Variants in CCNY observed in about 807,000 individuals in gnomAD.
CCNY encodes the protein cyclin-Y.
Under a neutral mutation model 42.8 loss-of-function variants are expected in CCNY, and 19 were observed. The ratio of observed to expected loss-of-function variants is 0.44; its 90% CI spans 0.31 to 0.65. The LOEUF (loss-of-function observed/expected upper bound fraction) is 0.65, where lower values mean the gene tolerates loss of function less well. Among genes scored for constraint, CCNY ranks in the 30% least tolerant of loss-of-function variants. The pLI is 0.07. For missense variants in CCNY, 370 were observed against 437.3 expected, an observed-to-expected ratio of 0.85 and a Z score of 1.37; for synonymous variants, 165 against 162.7, an observed-to-expected ratio of 1.01 and a Z score of -0.11.
At chr10:35,322,481 G>C (rs1245545666) in intron 3 of CCNY, among the ~76,000 whole-genome samples, 4 of 151,454 alleles carry the variant, frequency 2.6e-5, no homozygotes, top group African/African-American at 9.7e-5. Flanking sequence ...AAAAAGACAA[G>C]AGCTATAAAA....
At chr10:35,328,768 C>G (rs1261016928) in intron 3 of CCNY, among the ~76,000 whole-genome samples, 1 of 152,200 alleles carries the variant, frequency 6.6e-6, no homozygotes, top group African/African-American at 2.4e-5. Flanking sequence ...TGCAGCTTCC[C>G]TAGGTTAGGT....
At chr10:35,257,240 CTCTT>C (rs1211816303) in intron 3 of CCNY, among the ~76,000 whole-genome samples, 2 of 143,596 alleles carry the variant, frequency 1.4e-5, no homozygotes, top group African/African-American at 2.6e-5. Context: ...CCCTTCCTTC[CTCTT>C]TCTTTCTCTC....
chr10:35,264,925 G>A (rs949525518), intron 3 of CCNY, among the ~76,000 whole-genome samples: 3 of 152,142 alleles, frequency 2.0e-5, no homozygotes, highest in African/African-American at 7.2e-5. Flanking sequence ...CACCGCGCCC[G>A]GCCTTTTGCC....
At chr10:35,266,341 C>G (rs1268408717) in intron 3 of CCNY, among the ~76,000 whole-genome samples, 1 of 141,018 alleles carries the variant, frequency 7.1e-6, no homozygotes, top group Admixed American at 7.9e-5. Context: ...CTCAGGTGAT[C>G]TACCAGCTTT....
Position 35,264,923 on chromosome 10 carries a change from C to T in CCNY, c.-9+14297C>T, listed in dbSNP as rs193236683. ...GGATTACAGGCCTGAGCCACCGCGC[C>T]CGGCCTTTTGCCCAGTTTTTAGTGG... On this transcript the variant is annotated intron_variant, in intron 3 of 11. Coordinates refer to the CCNY transcript ENST00000374706. 5.6e-3 allele frequency among the ~76,000 whole-genome samples: 854 copies of T among 152,296 alleles called. 7 individuals carry two copies. Among genetic ancestry groups the T allele is most frequent in the African/African-American group, 0.02 (824 of 41,546 alleles).
chr10:35,324,825 G>C (rs1835860968), intron 3 of CCNY, among the ~76,000 whole-genome samples: 1 of 152,198 alleles, frequency 6.6e-6, no homozygotes, highest in South Asian at 2.1e-4. Flanking sequence ...CAGTCATAAA[G>C]GATAAATTAG....
chr10:35,323,269 C>T (rs1835842356), intron 3 of CCNY, among the ~76,000 whole-genome samples: 1 of 152,094 alleles, frequency 6.6e-6, no homozygotes, highest in Non-Finnish European at 1.5e-5. Context: ...AGCATACAAC[C>T]CAGTAGTCTT....
chr10:35,270,578 G>A (rs1835150539), intron 3 of CCNY, among the ~76,000 whole-genome samples: 1 of 152,122 alleles, frequency 6.6e-6, no homozygotes, highest in Non-Finnish European at 1.5e-5. Context: ...ATTGGTGCAT[G>A]TGCTGGAAGT....
intron 5 of CCNY, among the ~76,000 whole-genome samples, chr10:35,527,936 T>C (rs1050054265): frequency 1.3e-5 from 2 of 152,214 alleles, no homozygotes; most frequent in Non-Finnish European, 2.9e-5. Context: ...AGTCTACTTC[T>C]CAGAGGATTC....
At chr10:35,393,709 CT>C (rs1329011483) in intron 1 of CCNY, among the ~76,000 whole-genome samples, 1 of 152,136 alleles carries the variant, frequency 6.6e-6, no homozygotes, top group Non-Finnish European at 1.5e-5. Context: ...AGGCCATTTT[CT>C]CCAGGCTTTT....
chr10:35,491,717 C>T (rs1232020489), intron 2 of CCNY, among the ~76,000 whole-genome samples: 1 of 152,032 alleles, frequency 6.6e-6, no homozygotes, highest in Admixed American at 6.5e-5. Context: ...GGGTTCACAC[C>T]ATTCTCCTGC....
chr10:35,506,389 CT>C (rs936100992), intron 3 of CCNY, among the ~76,000 whole-genome samples: 2 of 152,144 alleles, frequency 1.3e-5, no homozygotes, highest in African/African-American at 4.8e-5. Flanking sequence ...GTTATTTTCT[CT>C]CTTCTTTTTG....
At chr10:35,559,593 G>A (rs1006707979) in intron 8 of CCNY, among the ~76,000 whole-genome samples, 9 of 152,274 alleles carry the variant, frequency 5.9e-5, no homozygotes, top group African/African-American at 1.7e-4. Context: ...AGATGTGACA[G>A]ATGGATCCAG....
intron 1 of CCNY, among the ~76,000 whole-genome samples, chr10:35,438,550 C>T (rs912106596): frequency 6.6e-6 from 1 of 152,134 alleles, no homozygotes; most frequent in African/African-American, 2.4e-5. Context: ...TATTTGTAAT[C>T]TTTCACTATT....
At chr10:35,412,304 C>G (rs1188749465) in intron 1 of CCNY, among the ~76,000 whole-genome samples, 3 of 152,066 alleles carry the variant, frequency 2.0e-5, no homozygotes, top group Non-Finnish European at 4.4e-5. Flanking sequence ...TATTGATTGC[C>G]TATAAAAAAT....
chr10:35,511,204 G>C (rs550031771), intron 3 of CCNY, among the ~76,000 whole-genome samples: 90 of 152,316 alleles, frequency 5.9e-4, no homozygotes, highest in African/African-American at 2.1e-3. Context: ...CCCACAGTTG[G>C]GGGCAGTGAG....
intron 3 of CCNY, among the ~76,000 whole-genome samples, chr10:35,253,874 GTTTTTT>G (rs34396120): frequency 1.5e-5 from 2 of 129,304 alleles, no homozygotes; most frequent in Admixed American, 7.9e-5. Context: ...TTGAGCAACT[GTTTTTT>G]TTTTTTTTTT....
intron 3 of CCNY, among the ~76,000 whole-genome samples, chr10:35,306,838 TTTATC>T (rs1221849727): frequency 6.6e-6 from 1 of 152,142 alleles, no homozygotes; most frequent in East Asian, 1.9e-4. Flanking sequence ...TAAAGAAAGT[TTTATC>T]TTAGGGGGCC....
intron 3 of CCNY, among the ~76,000 whole-genome samples, chr10:35,295,777 A>G (rs909906939): frequency 4.6e-5 from 7 of 152,098 alleles, no homozygotes; most frequent in African/African-American, 1.7e-4. Context: ...ACTTAGCTTA[A>G]TCTTTTCAAA....
Sources: allele counts gnomAD v4.1 joint callset (sites outside exome capture counted in the v4.1 genomes callset), GRCh38; gene constraint gnomAD v4.1.1; transcripts MANE v1.5; gene names NCBI Gene and HGNC (gene_info 2026-07-23, HGNC 2026-07-21).